GPHN: variants seen among roughly 807,000 people sequenced by gnomAD.
GPHN encodes the protein gephyrin.
A neutral mutation model predicts 95.5 loss-of-function variants in GPHN; 17 were observed. That is an observed-to-expected ratio of 0.18 (90% CI 0.12 to 0.27). GPHN has a LOEUF of 0.27. GPHN is among the 10% of genes least tolerant of loss of function. GPHN has a pLI of 1.00. For missense variants in GPHN, 660 were observed against 978.1 expected, an observed-to-expected ratio of 0.67 and a Z score of 4.34; for synonymous variants, 320 against 322.5, an observed-to-expected ratio of 0.99 and a Z score of 0.08.
intron 9 of GPHN, among the ~76,000 whole-genome samples, chr14:66,967,677 G>A (rs1202876595): frequency 6.6e-6 from 1 of 151,812 alleles, no homozygotes; most frequent in Non-Finnish European, 1.5e-5. Flanking sequence ...TGCTCAACAT[G>A]TAAAATAAAC....
chr14:66,629,471 T>C (rs1043758365), intron 1 of GPHN, among the ~76,000 whole-genome samples: 2 of 152,002 alleles, frequency 1.3e-5, no homozygotes, highest in Admixed American at 1.3e-4. Context: ...TCTGAAATAC[T>C]GCCTGAAGGA....
At chr14:66,659,878 C>T (rs60872054) in intron 1 of GPHN, among the ~76,000 whole-genome samples, 49,863 of 151,902 alleles carry the variant, frequency 0.33, 12,015 homozygotes, top group African/African-American at 0.66. Flanking sequence ...TAATCTCTTT[C>T]AGTTGGTGTA....
intron 1 of GPHN, among the ~76,000 whole-genome samples, chr14:66,618,765 G>A (rs2063158857): frequency 6.6e-6 from 1 of 152,108 alleles, no homozygotes; most frequent in South Asian, 2.1e-4. Context: ...TGGTGGGAGG[G>A]TAGACATGAC....
chr14:66,667,558 T>C (rs761150292), intron 1 of GPHN, among the ~76,000 whole-genome samples: 1 of 152,166 alleles, frequency 6.6e-6, no homozygotes, highest in Non-Finnish European at 1.5e-5. Flanking sequence ...GGGGAAAGGA[T>C]TCCCTATTCA....
intron 18 of GPHN, among the ~76,000 whole-genome samples, chr14:67,156,755 T>C (rs1393650591): frequency 2.0e-5 from 3 of 152,010 alleles, no homozygotes; most frequent in Non-Finnish European, 2.9e-5. Flanking sequence ...GGTGGACTGA[T>C]CATGTGGGGC....
chr14:66,784,028 A>G (rs1400341581), intron 3 of GPHN, among the ~76,000 whole-genome samples: 2 of 152,270 alleles, frequency 1.3e-5, no homozygotes, highest in African/African-American at 4.8e-5. Flanking sequence ...TGAGAAAAAA[A>G]CAGTCTACAG....
At chr14:67,557,220 A>G in the GPHN span, 3 of 1,559,372 alleles carry the variant, frequency 1.9e-6, no homozygotes, top group Non-Finnish European at 2.6e-6. Context: ...GCCACTGCAC[A>G]CCCCGTGTGA....
the GPHN span, chr14:67,398,119 C>T: frequency 3.6e-6 from 1 of 277,912 alleles, no homozygotes; most frequent in Non-Finnish European, 6.7e-6. Context: ...ACAGCCATTG[C>T]TAACATATTG....
the GPHN span, among the ~76,000 whole-genome samples, chr14:67,694,194 A>C: frequency 6.6e-6 from 1 of 152,170 alleles, no homozygotes; most frequent in Admixed American, 6.5e-5. Flanking sequence ...GAAAATGCTG[A>C]CAGGGAGGCA....
the GPHN span, among the ~76,000 whole-genome samples, chr14:67,453,626 C>T: frequency 5.9e-5 from 9 of 152,122 alleles, no homozygotes; most frequent in Admixed American, 4.6e-4. Context: ...GGATGGTGTC[C>T]CTGTCTCAGA....
At chr14:67,169,804 C>T (rs1019577077) in intron 21 of GPHN, among the ~76,000 whole-genome samples, 4 of 152,216 alleles carry the variant, frequency 2.6e-5, no homozygotes, top group African/African-American at 9.7e-5. Flanking sequence ...AGGCCAGGCT[C>T]AATGGCTGGC....
Position 66,705,313 on chromosome 14 carries a change from A to G in GPHN, c.143+24128A>G, listed in dbSNP as rs988109945. 5.7e-5 allele frequency among the ~76,000 whole-genome samples: 6 copies of G among 104,422 alleles called. 1 individual carries two copies. The highest frequency in any genetic ancestry group is 6.1e-4 in the South Asian group (2 of 3,254). 68.5% of individuals were successfully genotyped at this position (104,422 alleles called of 152,430 possible). ...GGAGGGACTCCTCCCTAACTCATTC[A>G]GTGAAGCCAGCATCATCCTGATACC... On this transcript the variant is annotated intron_variant, in intron 2 of 22. Coordinates refer to ENST00000478722, the MANE Select transcript of GPHN (RefSeq NM_020806.5).
chr14:67,256,168 ATCC>A, the GPHN span, among the ~76,000 whole-genome samples: 3 of 152,230 alleles, frequency 2.0e-5, no homozygotes, highest in Non-Finnish European at 2.9e-5. Flanking sequence ...TTGGTCTATT[ATCC>A]TCATTTTTCA....
the GPHN span, among the ~76,000 whole-genome samples, chr14:67,547,846 C>T: frequency 1.7e-4 from 26 of 152,216 alleles, no homozygotes; most frequent in Admixed American, 1.7e-3. Flanking sequence ...GCAGAAACAT[C>T]AAGGCTCTTA....
At chr14:66,745,667 A>G (rs2058116061) in intron 2 of GPHN, among the ~76,000 whole-genome samples, 1 of 152,040 alleles carries the variant, frequency 6.6e-6, no homozygotes, top group African/African-American at 2.4e-5. Context: ...AATTTAGATA[A>G]TTTAGAAATA....
At chr14:67,559,004 C>T in the GPHN span, among the ~76,000 whole-genome samples, 1 of 152,186 alleles carries the variant, frequency 6.6e-6, no homozygotes, top group Non-Finnish European at 1.5e-5. Flanking sequence ...GTTTGCCACA[C>T]CTTAAACTAG....
At chr14:66,680,453 T>A (rs2066874095) in intron 1 of GPHN, among the ~76,000 whole-genome samples, 1 of 152,224 alleles carries the variant, frequency 6.6e-6, no homozygotes, top group South Asian at 2.1e-4. Context: ...CCCCAAATCC[T>A]CTTAGGTAAT....
At chr14:67,445,399 G>T in the GPHN span, among the ~76,000 whole-genome samples, 6 of 151,918 alleles carry the variant, frequency 3.9e-5, no homozygotes. Context: ...GAATGGAACT[G>T]AACTGGGGGA....
At chr14:67,346,166 T>A in the GPHN span, among the ~76,000 whole-genome samples, 1 of 152,234 alleles carries the variant, frequency 6.6e-6, no homozygotes, top group Non-Finnish European at 1.5e-5. Flanking sequence ...TACTGCCTGA[T>A]GCCCAGAGTA....
Sources: gnomAD v4.1 joint callset for allele counts (sites outside exome capture counted in the v4.1 genomes callset) on GRCh38, gnomAD v4.1.1 for gene constraint, MANE v1.5 for transcripts, NCBI Gene and HGNC (gene_info 2026-07-23, HGNC 2026-07-21) for gene names.